LAMA2: variants seen among roughly 807,000 people sequenced by gnomAD.
The protein encoded by LAMA2 is laminin subunit alpha 2.
A neutral mutation model predicts 364.8 loss-of-function variants in LAMA2; 269 were observed. That is an observed-to-expected ratio of 0.74 (90% CI 0.67 to 0.82). The LOEUF (loss-of-function observed/expected upper bound fraction) is 0.82, where lower values mean the gene tolerates loss of function less well. LAMA2 is among the 40% of genes least tolerant of loss of function. The pLI is 0.00. For synonymous variants in LAMA2, 1,379 were observed against 1,370.6 expected, an observed-to-expected ratio of 1.01 and a Z score of -0.14; for missense variants, 3,807 against 3,873.2, an observed-to-expected ratio of 0.98 and a Z score of 0.45.
chr6:129,038,395 TTGATCA>T, intron 1 of LAMA2, among the ~76,000 whole-genome samples: 1 of 152,324 alleles, frequency 6.6e-6, no homozygotes, highest in East Asian at 1.9e-4. Context: ...ATCTTCCTTC[TTGATCA>T]TGAGCAACAG....
intron 35 of LAMA2, among the ~76,000 whole-genome samples, chr6:129,386,331 T>C (rs1202560430): frequency 1.4e-5 from 2 of 146,714 alleles, no homozygotes; most frequent in Admixed American, 6.8e-5. Context: ...TATTTATACA[T>C]AGGATCTGGA....
chr6:129,033,648 C>T (rs1023225857), intron 1 of LAMA2, among the ~76,000 whole-genome samples: 10 of 152,094 alleles, frequency 6.6e-5, no homozygotes, highest in African/African-American at 2.4e-4. Flanking sequence ...AACTGTTTTG[C>T]ACTTCCTCTC....
At chr6:129,202,183 G>C (rs1674935026) in intron 12 of LAMA2, among the ~76,000 whole-genome samples, 1 of 85,294 alleles carries the variant, frequency 1.2e-5, no homozygotes, top group African/African-American at 5.0e-5. Flanking sequence ...GCGAGAGTCT[G>C]TCTCAAAAAA....
At chr6:129,226,177 T>C (rs895792139) in intron 12 of LAMA2, among the ~76,000 whole-genome samples, 25 of 152,278 alleles carry the variant, frequency 1.6e-4, no homozygotes, top group African/African-American at 5.3e-4. Context: ...TTTTGTTTTC[T>C]ATTTCCTTGG....
At chr6:129,352,975 G>A (rs1457629867) in intron 31 of LAMA2, among the ~76,000 whole-genome samples, 189 bp from the exon 32 acceptor site, 2 of 151,450 alleles carry the variant, frequency 1.3e-5, no homozygotes, top group Non-Finnish European at 2.9e-5. Flanking sequence ...TCTTTTTCAC[G>A]GCATAATCTT....
intron 1 of LAMA2, among the ~76,000 whole-genome samples, chr6:128,942,887 T>G: frequency 6.6e-6 from 1 of 152,240 alleles, no homozygotes; most frequent in South Asian, 2.1e-4. Context: ...TGAGGTATTG[T>G]TTGAGAGCCT....
chr6:129,070,780 G>A (rs945417628), intron 3 of LAMA2, among the ~76,000 whole-genome samples: 5 of 152,182 alleles, frequency 3.3e-5, no homozygotes, highest in East Asian at 1.9e-4. Context: ...AAGTTTTGAC[G>A]TTTTGTCTAG....
chr6:129,462,166 C>G (rs536782506), intron 49 of LAMA2, among the ~76,000 whole-genome samples: 1 of 152,004 alleles, frequency 6.6e-6, no homozygotes, highest in Non-Finnish European at 1.5e-5. Flanking sequence ...TGTGAATTCA[C>G]TCATACAAGA....
chr6:129,356,161 G>A (rs1411561040), intron 32 of LAMA2, among the ~76,000 whole-genome samples: 1 of 151,976 alleles, frequency 6.6e-6, no homozygotes, highest in Admixed American at 6.6e-5. Context: ...CAGCACACAG[G>A]CCTTTTATAT....
intron 1 of LAMA2, among the ~76,000 whole-genome samples, chr6:128,949,462 GA>G (rs918827294): frequency 1.5e-4 from 22 of 151,506 alleles, no homozygotes; most frequent in Non-Finnish European, 3.1e-4. Flanking sequence ...ACTTAAGGGG[GA>G]AAAAAAGAAA....
intron 1 of LAMA2, among the ~76,000 whole-genome samples, chr6:128,899,547 A>C (rs1382444143): frequency 2.0e-5 from 3 of 152,230 alleles, no homozygotes; most frequent in South Asian, 2.1e-4. Context: ...TTGGATGAAG[A>C]AGCAGCTCTT....
At chr6:129,072,044 G>A (rs1773351139) in intron 3 of LAMA2, among the ~76,000 whole-genome samples, 2 of 152,130 alleles carry the variant, frequency 1.3e-5, no homozygotes, top group South Asian at 4.1e-4. Context: ...CTATTCTGGA[G>A]TCTGAGGTGG....
At chr6:129,158,431 C>T in intron 8 of LAMA2, 1 of 1,613,946 alleles carries the variant, frequency 6.2e-7, no homozygotes, top group Admixed American at 1.7e-5. Context: ...ATCTGTTTGG[C>T]AATAGTTCGC....
In LAMA2 at chr6:129,488,218, G is replaced by A. The variant is rs563201416; in HGVS notation, c.7898+1596G>A. Among the ~76,000 whole-genome samples the A allele has an allele frequency of 4.6e-5, 7 of 152,288 alleles. No individual in the cohort carries two copies. In the South Asian group the frequency reaches 1.5e-3, roughly 32 times the overall value. The stretch of plus-strand genomic sequence containing the variant: ...ACAGCTACTCTGGAGGCTGAGGCAG[G>A]AGAAATGCTTAAACCAGGGGGACAG... On this transcript the variant is annotated intron_variant, in intron 56 of 64. Coordinates refer to ENST00000421865, the MANE Select transcript of LAMA2 (RefSeq NM_000426.4).
chr6:129,206,245 G>A (rs114215260), intron 12 of LAMA2, among the ~76,000 whole-genome samples: 4,027 of 152,106 alleles, frequency 0.026, 186 homozygotes, highest in African/African-American at 0.092. Context: ...GTGGAGAAAC[G>A]AATATGTCCT....
rs149898478 is a variant in LAMA2 at position 129,266,475 on chromosome 6, CAT to C, written c.2209-629_2209-628del. Among the ~76,000 whole-genome samples the C allele has an allele frequency of 4.9e-3, 743 of 152,138 alleles. 6 individuals carry two copies. Among genetic ancestry groups the C allele is most frequent in the African/African-American group, 0.017 (725 of 41,530 alleles). ...GCTATCAAGAATGTGAGAAATAAATCATAAACTTTTTGTGTAAATTTGAGAAA... is the reference window on the plus strand; with the variant it reads ...GCTATCAAGAATGTGAGAAATAAATCAAACTTTTTGTGTAAATTTGAGAAA... On this transcript the variant is annotated intron_variant, in intron 15 of 64. Transcript: ENST00000421865.
At chr6:129,015,926 A>C (rs887359824) in intron 1 of LAMA2, among the ~76,000 whole-genome samples, 1 of 151,764 alleles carries the variant, frequency 6.6e-6, no homozygotes, top group Admixed American at 6.6e-5. Context: ...AAAAACCACT[A>C]CTCTTATCTG....
chr6:129,183,283 T>G (rs1384671014), intron 10 of LAMA2, among the ~76,000 whole-genome samples: 1 of 151,952 alleles, frequency 6.6e-6, no homozygotes, highest in Non-Finnish European at 1.5e-5. Context: ...GGTGTCATAT[T>G]ATTTATGCAA....
At chr6:129,219,537 T>C (rs1414420442) in intron 12 of LAMA2, among the ~76,000 whole-genome samples, 14 of 151,260 alleles carry the variant, frequency 9.3e-5, no homozygotes, top group Non-Finnish European at 1.0e-4. Flanking sequence ...CGTATGTTTA[T>C]TGTGGCACTA....
Sources: gnomAD v4.1 joint callset for allele counts (sites outside exome capture counted in the v4.1 genomes callset) on GRCh38, gnomAD v4.1.1 for gene constraint, MANE v1.5 for transcripts, NCBI Gene and HGNC (gene_info 2026-07-23, HGNC 2026-07-21) for gene names.